SNAPC3: variants seen among roughly 807,000 people sequenced by gnomAD.
SNAPC3 encodes small nuclear RNA activating complex polypeptide 3.
In SNAPC3, 56 loss-of-function variants were observed where a neutral mutation model predicts 47.7. The ratio of observed to expected loss-of-function variants is 1.18; its 90% CI spans 0.95 to 1.47. The LOEUF (loss-of-function observed/expected upper bound fraction) is 1.47. Among genes scored for constraint, SNAPC3 ranks in the 40% most tolerant of loss-of-function variants. SNAPC3 has a pLI of 0.00. For synonymous variants in SNAPC3, 235 were observed against 189.9 expected (o/e 1.24, Z -1.95); for missense variants, 665 against 511.3 (o/e 1.30, Z -2.90).
chr9:15,441,317 GTA>G, intron 3 of SNAPC3, among the ~76,000 whole-genome samples: 1 of 141,064 alleles, frequency 7.1e-6, no homozygotes, highest in East Asian at 2.1e-4. Flanking sequence ...AGAGACCTCC[GTA>G]TTGTTTTCCG....
chr9:15,465,724 AAC>A (rs974893434), downstream of SNAPC3: 4 of 601,522 alleles, frequency 6.6e-6, no homozygotes, highest in African/African-American at 3.8e-5. Flanking sequence ...TTGTTATTAG[AAC>A]AGTCATTATT....
intron 2 of SNAPC3, among the ~76,000 whole-genome samples, chr9:15,425,921 G>A (rs534008789): frequency 9.2e-5 from 14 of 152,336 alleles, no homozygotes; most frequent in African/African-American, 3.4e-4. Flanking sequence ...GAGTGCAATG[G>A]TGCGATCCCG....
At chr9:15,466,512 T>G (rs150355874), downstream of SNAPC3, among the ~76,000 whole-genome samples, 1 of 152,352 alleles carries the variant, frequency 6.6e-6, no homozygotes, top group Non-Finnish European at 1.5e-5. Flanking sequence ...GAGCAAATAT[T>G]TTCTTTTTAA....
chr9:15,457,387 G>C (rs1167455439), intron 7 of SNAPC3, among the ~76,000 whole-genome samples: 1 of 152,046 alleles, frequency 6.6e-6, no homozygotes, highest in Non-Finnish European at 1.5e-5. Flanking sequence ...TTGAGACCAG[G>C]AGTTTGAGAC....
rs544396089 is a variant in SNAPC3, at chr9:15,458,056, G to C, written c.1077G>C (p.Met359Ile). 8 of 1,548,484 alleles carry C rather than the reference G, an allele frequency of 5.2e-6. No homozygotes were observed. The South Asian group carries it at 9.7e-5, about 19-fold the overall frequency. The change falls in exon 8 of 9, where the codon ATG (methionine) becomes ATC (isoleucine). Residue 359 changes from methionine (M) to isoleucine (I), a missense_variant. By Grantham distance (10) the Met-to-Ile change is conservative. Transcript: ENST00000380821. ...LWTRKCFVCK[M>I]YTARWVTNND... The stretch of plus-strand genomic sequence containing the variant: ...CCAGAAAATGTTTTGTTTGTAAAAT[G>C]TATACAGCCAGGTGAGTGATAATGT...
intron 2 of SNAPC3, among the ~76,000 whole-genome samples, chr9:15,427,984 G>A (rs748258149): frequency 7.9e-5 from 12 of 151,972 alleles, no homozygotes; most frequent in African/African-American, 1.2e-4. Flanking sequence ...GGTGGCACCC[G>A]CCTGTAGTCC....
chr9:15,440,676 G>A (rs1220888816), intron 3 of SNAPC3, among the ~76,000 whole-genome samples: 9 of 152,136 alleles, frequency 5.9e-5, no homozygotes, highest in African/African-American at 1.2e-4. Context: ...AGGGCCGGGC[G>A]CGGTGGCTCA....
At chr9:15,451,092 A>G (rs2034350183) in intron 5 of SNAPC3, among the ~76,000 whole-genome samples, 2 of 152,188 alleles carry the variant, frequency 1.3e-5, no homozygotes, top group South Asian at 4.1e-4. Context: ...TAAAATAATG[A>G]TGTTTATTTG....
chr9:15,442,602 C>G lies in SNAPC3; in HGVS notation c.478-2000C>G, dbSNP rs1250445116. On this transcript the variant is annotated intron_variant, in intron 3 of 8. Transcript: ENST00000380821. ...GGCGGGGCAGAGGCGTTCCCCACAT[C>G]TCAGACAATGGGCGGCCGGGCAGAG... 2.0e-5 allele frequency among the ~76,000 whole-genome samples: 3 copies of G among 151,702 alleles called. No individual in the cohort carries two copies. In the East Asian group the frequency reaches 5.8e-4, roughly 30 times the overall value.
chr9:15,452,557 A>T (rs975253706), intron 6 of SNAPC3, among the ~76,000 whole-genome samples: 5 of 151,982 alleles, frequency 3.3e-5, no homozygotes, highest in African/African-American at 1.2e-4. Context: ...ACCTCAAGCG[A>T]TCCGCCCACC....
chr9:15,443,805 G>A (rs1157158772), intron 3 of SNAPC3, among the ~76,000 whole-genome samples: 1 of 152,210 alleles, frequency 6.6e-6, no homozygotes, highest in African/African-American at 2.4e-5. Context: ...CTGTCTCATC[G>A]GCGAGGGGCG....
At chr9:15,426,746 C>G (rs1488239258) in intron 2 of SNAPC3, among the ~76,000 whole-genome samples, 1 of 152,170 alleles carries the variant, frequency 6.6e-6, no homozygotes, top group East Asian at 1.9e-4. Flanking sequence ...CTACTTTGCA[C>G]TACTAGGTCA....
chr9:15,465,399 C>G (rs2035549034), downstream of SNAPC3: 1 of 865,604 alleles, frequency 1.2e-6, no homozygotes. Context: ...GATTTTCTCC[C>G]TCAAAACAAG....
At chr9:15,443,804 C>T (rs2033708467) in intron 3 of SNAPC3, among the ~76,000 whole-genome samples, 2 of 152,198 alleles carry the variant, frequency 1.3e-5, no homozygotes, top group African/African-American at 4.8e-5. Flanking sequence ...CCTGTCTCAT[C>T]GGCGAGGGGC....
intron 3 of SNAPC3, among the ~76,000 whole-genome samples, chr9:15,441,338 G>T (rs1197898398): frequency 7.6e-6 from 1 of 132,426 alleles, no homozygotes; most frequent in Non-Finnish European, 1.6e-5. Context: ...CGTAATAGCT[G>T]TATCAATTTG....
chr9:15,451,734 T>A (rs2034402491), intron 6 of SNAPC3, among the ~76,000 whole-genome samples: 1 of 152,060 alleles, frequency 6.6e-6, no homozygotes, highest in African/African-American at 2.4e-5. Context: ...CACCTTAACA[T>A]GCATTATTAG....
chr9:15,449,551 ATATATATATATATTTT>A (rs1563851066), intron 5 of SNAPC3, among the ~76,000 whole-genome samples: 5 of 39,030 alleles, frequency 1.3e-4, no homozygotes, highest in African/African-American at 4.3e-4. Context: ...ATATATATAT[ATATATATATATATTTT>A]TTTTTTTTTT....
At chr9:15,423,284 G>A in intron 1 of SNAPC3, 91 bp downstream of exon 1, 1 of 1,317,260 alleles carries the variant, frequency 7.6e-7, no homozygotes, top group Non-Finnish European at 1.0e-6. Flanking sequence ...CCCTGAGAAG[G>A]GCCTGTGGTT....
chr9:15,466,147 G>C (rs1043331188), downstream of SNAPC3, among the ~76,000 whole-genome samples: 1 of 152,218 alleles, frequency 6.6e-6, no homozygotes, highest in Non-Finnish European at 1.5e-5. Context: ...GGAAGCCAAG[G>C]TGGGTGGATC....
Sources: gnomAD v4.1 joint callset for allele counts (sites outside exome capture counted in the v4.1 genomes callset) on GRCh38, gnomAD v4.1.1 for gene constraint, MANE v1.5 for transcripts, NCBI Gene and HGNC (gene_info 2026-07-23, HGNC 2026-07-21) for gene names.